Variants in GPM6A observed in about 807,000 individuals in gnomAD.
The protein encoded by GPM6A is glycoprotein M6A.
Under a neutral mutation model 32.1 loss-of-function variants are expected in GPM6A, and 7 were observed. The observed-to-expected ratio is 0.22, with a 90% CI of 0.12 to 0.41. The LOEUF (loss-of-function observed/expected upper bound fraction) is 0.41, where lower values mean the gene tolerates loss of function less well. GPM6A is among the 10% of genes least tolerant of loss of function. The pLI is 1.00. For synonymous variants in GPM6A, 130 were observed against 123.4 expected (o/e 1.05, Z -0.35); for missense variants, 235 against 347.2 (o/e 0.68, Z 2.57).
intron 1 of GPM6A, among the ~76,000 whole-genome samples, chr4:175,702,150 C>T (rs1216389574): frequency 6.6e-6 from 1 of 152,110 alleles, no homozygotes; most frequent in Non-Finnish European, 1.5e-5. Flanking sequence ...TTCTTTTGCA[C>T]TCTGTGTATC....
intron 1 of GPM6A, chr4:175,891,855 A>G (rs1737659270): frequency 6.6e-6 from 1 of 152,212 alleles, no homozygotes; most frequent in Non-Finnish European, 1.5e-5. Flanking sequence ...TTAGATAATT[A>G]TAGTACTAAA....
At chr4:175,838,114 C>CACAG (rs1553994308) in intron 1 of GPM6A, among the ~76,000 whole-genome samples, 1 of 11,724 alleles carries the variant, frequency 8.5e-5, no homozygotes, top group African/African-American at 2.8e-4. Context: ...CACACACAGA[C>CACAG]ACACACACAC....
chr4:175,723,312 T>C (rs1277983711), intron 1 of GPM6A, among the ~76,000 whole-genome samples: 3 of 152,250 alleles, frequency 2.0e-5, no homozygotes, highest in Non-Finnish European at 1.5e-5. Flanking sequence ...ATTCCATTTA[T>C]CTTTGGTCCC....
At chr4:175,812,676 C>T, upstream of GPM6A, 3 of 986,954 alleles carry the variant, frequency 3.0e-6, no homozygotes, top group Non-Finnish European at 3.6e-6. Context: ...ACAGGCTGAG[C>T]TGTGAACAGA....
intron 1 of GPM6A, among the ~76,000 whole-genome samples, chr4:175,829,331 A>C (rs1735534035): frequency 6.6e-6 from 1 of 152,212 alleles, no homozygotes; most frequent in African/African-American, 2.4e-5. Context: ...GAAAGTTTCA[A>C]GTTGAAAGAT....
At chr4:175,659,469 A>G (rs993360972) in intron 3 of GPM6A, among the ~76,000 whole-genome samples, 1 of 152,206 alleles carries the variant, frequency 6.6e-6, no homozygotes, top group African/African-American at 2.4e-5. Context: ...GCAGAAGGTA[A>G]AAGAGTATTG....
intron 1 of GPM6A, among the ~76,000 whole-genome samples, chr4:175,739,134 A>C (rs1446849096): frequency 6.6e-6 from 1 of 152,166 alleles, no homozygotes; most frequent in African/African-American, 2.4e-5. Context: ...ACTTTATTTT[A>C]GTTTTCATCT....
At chr4:175,841,158 T>C (rs1164077116) in intron 1 of GPM6A, among the ~76,000 whole-genome samples, 1 of 152,222 alleles carries the variant, frequency 6.6e-6, no homozygotes, top group African/African-American at 2.4e-5. Flanking sequence ...AGGCCAAGGT[T>C]GCATTTAGAT....
At chr4:175,832,109 C>T (rs989095988) in intron 1 of GPM6A, among the ~76,000 whole-genome samples, 4 of 98,114 alleles carry the variant, frequency 4.1e-5, no homozygotes, top group African/African-American at 1.5e-4. Context: ...GATCTTTCCT[C>T]GGATTGCCAA....
In GPM6A at chr4:175,799,671, CT is replaced by C. The variant is rs374571140; in HGVS notation, c.37+12519del. Among the ~76,000 whole-genome samples the C allele has an allele frequency of 6.5e-3, 788 of 122,024 alleles. 31 individuals carry two copies. The highest frequency in any genetic ancestry group is 0.02 in the African/African-American group (687 of 34,906). 80.1% of individuals were successfully genotyped at this position (122,024 alleles called of 152,430 possible). On this transcript the variant is annotated intron_variant, in intron 1 of 6. Transcript: ENST00000393658. ...TCACCCTAAAAGTAGCAAGTGTTTT[CT>C]TTTTTTTTTTTTTGAGACGGAGTCT...
At chr4:175,853,626 A>G (rs561153864) in intron 1 of GPM6A, among the ~76,000 whole-genome samples, 2 of 151,560 alleles carry the variant, frequency 1.3e-5, no homozygotes, top group South Asian at 2.1e-4. Context: ...GAGTCGTTCT[A>G]TGCTTTTATG....
chr4:175,804,793 C>T (rs1734618899), intron 1 of GPM6A, among the ~76,000 whole-genome samples: 1 of 152,012 alleles, frequency 6.6e-6, no homozygotes, highest in Non-Finnish European at 1.5e-5. Context: ...CGCCTGTAAT[C>T]CCAGCACTTT....
In GPM6A at chr4:175,784,234, G is replaced by A. The variant is rs75802929; in HGVS notation, c.37+27957C>T. 1.1e-4 allele frequency among the ~76,000 whole-genome samples: 16 copies of A among 152,100 alleles called. No individual in the cohort carries two copies. The East Asian group carries it at 2.9e-3, about 28-fold the overall frequency. On this transcript the variant is annotated intron_variant, in intron 1 of 6. Coordinates refer to ENST00000393658, the MANE Select transcript of GPM6A (RefSeq NM_201591.3). ...AGAATATCAGACAAACACAAAATGA[G>A]GGCAATTCTACAAAATACATGACTA...
chr4:175,990,873 T>A (rs2126459656), intron 1 of GPM6A, among the ~76,000 whole-genome samples: 1 of 152,240 alleles, frequency 6.6e-6, no homozygotes, highest in South Asian at 2.1e-4. Context: ...GTGAAATGAA[T>A]GAAATTATTT....
chr4:175,920,385 C>CA (rs1427804022), intron 1 of GPM6A, among the ~76,000 whole-genome samples: 1 of 151,894 alleles, frequency 6.6e-6, no homozygotes, highest in Non-Finnish European at 1.5e-5. Context: ...TAAAATGACA[C>CA]AAAAAAATAA....
chr4:175,959,392 A>C (rs959153622), intron 1 of GPM6A, among the ~76,000 whole-genome samples: 3 of 152,056 alleles, frequency 2.0e-5, no homozygotes, highest in African/African-American at 7.2e-5. Flanking sequence ...ATAACCTCTC[A>C]TGCATCTAGA....
At chr4:175,850,043 T>C (rs954693955) in intron 1 of GPM6A, among the ~76,000 whole-genome samples, 3 of 152,160 alleles carry the variant, frequency 2.0e-5, no homozygotes, top group Admixed American at 1.3e-4. Context: ...TCCACCCTCA[T>C]GTGCTTCTAT....
At chr4:175,818,624 G>A (rs900396378) in intron 1 of GPM6A, among the ~76,000 whole-genome samples, 7 of 152,134 alleles carry the variant, frequency 4.6e-5, no homozygotes, top group African/African-American at 7.2e-5. Flanking sequence ...CTGAATAAAC[G>A]AATAATGATG....
chr4:175,975,834 A>T (rs1740640537), intron 1 of GPM6A, among the ~76,000 whole-genome samples: 1 of 152,192 alleles, frequency 6.6e-6, no homozygotes, highest in Admixed American at 6.5e-5. Flanking sequence ...ATCAAGAAAA[A>T]GCACCCAAAA....
Sources: allele counts gnomAD v4.1 joint callset (sites outside exome capture counted in the v4.1 genomes callset), GRCh38; gene constraint gnomAD v4.1.1; transcripts MANE v1.5; gene names NCBI Gene and HGNC (gene_info 2026-07-23, HGNC 2026-07-21).